Variants in GPR137 observed in about 807,000 individuals in gnomAD.
The protein encoded by GPR137 is G protein-coupled receptor 137.
GPR137 carries 20 observed loss-of-function variants against 38.9 expected under a neutral mutation model. The observed-to-expected ratio is 0.51, with a 90% confidence interval of 0.36 to 0.75. GPR137 has a LOEUF of 0.75. Among genes scored for constraint, GPR137 ranks in the 30% least tolerant of loss-of-function variants. The pLI is 0.00. For synonymous variants in GPR137, 226 were observed against 235.8 expected, an observed-to-expected ratio of 0.96 and a Z score of 0.38; for missense variants, 456 against 526.4, an observed-to-expected ratio of 0.87 and a Z score of 1.31.
intron 2 of GPR137, chr11:64,276,642 A>T (rs370577722): frequency 1.7e-5 from 7 of 414,194 alleles, no homozygotes; most frequent in African/African-American, 8.2e-5. Context: ...TTGAATTTTT[A>T]AAAAGTGTTC....
At chr11:64,272,048 G>C (rs753268970), upstream of GPR137, among the ~76,000 whole-genome samples, 1 of 152,184 alleles carries the variant, frequency 6.6e-6, no homozygotes, top group Admixed American at 6.5e-5. Context: ...CCAATAATGG[G>C]TGAGGCCCTG....
chr11:64,288,943 CAG>C lies in GPR137; in HGVS notation c.1032-93_1032-92del, dbSNP rs2034469440. 1 of 1,449,230 alleles carries C rather than the reference CAG, an allele frequency of 6.9e-7. No individual in the cohort carries two copies. Among genetic ancestry groups the C allele is most frequent in the South Asian group, 1.4e-5 (1 of 69,088 alleles). 89.8% of individuals were successfully genotyped at this position (1,449,230 alleles called of 1,614,324 possible). A position where few individuals can be genotyped will look rare whatever the true frequency, so the allele number is the denominator to read the frequency against. On this transcript the variant is annotated intron_variant, in intron 6 of 6. Coordinates refer to ENST00000438980, the MANE Select transcript of GPR137 (RefSeq NM_001170880.2). This position sits in a 1 kb window ranked among gnomAD's most constrained non-coding sequence, Gnocchi z 5.5. ...TCCTGGGCCCCGAAGGTCTAGGTCACAGGGGTTCTGTTCTAAGCCTGTCTTCC... is the reference window on the plus strand; with the variant it reads ...TCCTGGGCCCCGAAGGTCTAGGTCACGGGTTCTGTTCTAAGCCTGTCTTCC...
At position 64,289,180 on chromosome 11, in the gene GPR137, C is replaced by G. The variant is rs1212997040; in HGVS notation, c.1175C>G (p.Ser392Cys). Residue 392 changes from serine to cysteine, a missense_variant, in exon 7 of 7, where the codon TCC becomes TGC. By Grantham distance (112) the Ser-to-Cys change is moderately radical. Coordinates refer to ENST00000438980, the MANE Select transcript of GPR137 (RefSeq NM_001170880.2). ...GGCGGCCACCACCACAGTCTCTACT[C>G]CACCCCACAGACGTGATCCCCCTCC... ...GPGGHHHSLYSTPQT is the reference protein window; with the variant it reads ...GPGGHHHSLYCTPQT The G allele has an allele frequency of 1.2e-6, 2 of 1,613,348 alleles. No individual in the cohort carries two copies. Among genetic ancestry groups the G allele is most frequent in the Non-Finnish European group, 1.7e-6 (2 of 1,179,578 alleles).
upstream of GPR137, among the ~76,000 whole-genome samples, chr11:64,281,349 G>A (rs78991749): frequency 0.037 from 5,648 of 152,206 alleles, 319 homozygotes; most frequent in African/African-American, 0.13. Flanking sequence ...AGCAGATCCT[G>A]CCAGTTCTGC....
In GPR137 at chr11:64,286,554, TGCTGCCGGGCTGGTGCCTGC is replaced by T. The variant is rs2034086788; in HGVS notation, c.37_56del (p.Gly13ThrfsTer186). ...AGAGTAACCTGTCTGGCCTGGTGCC[TGCTGCCGGGCTGGTGCCTGC>T]GCTGCCACCTGCTGTGACCCTGGGG... On this transcript the variant is annotated frameshift_variant, in exon 1 of 7. Transcript: ENST00000438980. LOFTEE classifies it high-confidence loss of function. 1 of 1,612,456 alleles carries T rather than the reference TGCTGCCGGGCTGGTGCCTGC, an allele frequency of 6.2e-7. No homozygotes were observed. Among genetic ancestry groups the T allele is most frequent in the South Asian group, 1.1e-5 (1 of 91,006 alleles).
At chr11:64,282,916 A>G (rs1463922113), upstream of GPR137, among the ~76,000 whole-genome samples, 1 of 151,884 alleles carries the variant, frequency 6.6e-6, no homozygotes, top group East Asian at 1.9e-4. Flanking sequence ...AGTAAAAAAT[A>G]AATTAACTGG....
chr11:64,289,158 G>A lies in GPR137; in HGVS notation c.1153G>A (p.Gly385Ser), dbSNP rs948264309. The change falls in exon 7 of 7, where the codon GGC becomes AGC. Residue 385 changes from glycine (G) to serine (S), a missense_variant. Coordinates refer to ENST00000438980, the MANE Select transcript of GPR137 (RefSeq NM_001170880.2). ...CTTCTCCCAGGTGCCAGGACCAGGC[G>A]GCCACCACCACAGTCTCTACTCCAC... is the stretch of plus-strand genomic sequence containing the variant. Reference protein sequence around the residue: ...LLFSQVPGPGGHHHSLYSTPQ... With the variant: ...LLFSQVPGPGSHHHSLYSTPQ... 2.4e-5 allele frequency: 38 copies of A among 1,613,500 alleles called. No individual in the cohort carries two copies. The highest frequency in any genetic ancestry group is 4.0e-5 in the African/African-American group (3 of 74,872).
At position 64,288,487 on chromosome 11, in the gene GPR137, T is replaced by A; in HGVS notation, c.912+19T>A. ...GGACCTGGTAAGGGTCTGCTCCCTC[T>A]TCTGTGGGGCCAGTGGAGGGGGCGG... is the stretch of plus-strand genomic sequence containing the variant. On this transcript the variant is annotated intron_variant, in intron 5 of 6. Coordinates refer to ENST00000438980, the MANE Select transcript of GPR137 (RefSeq NM_001170880.2). The surrounding 1 kb of genome is among the most constrained non-coding windows in gnomAD (Gnocchi z 5.5). 1 of 1,613,080 alleles carries A rather than the reference T, an allele frequency of 6.2e-7. No individual in the cohort carries two copies.
At chr11:64,276,968 G>A in intron 2 of GPR137, 2 of 746,076 alleles carry the variant, frequency 2.7e-6, no homozygotes, top group South Asian at 2.9e-5. Context: ...CATCCCTGCT[G>A]ATGCTTCCGC....
At chr11:64,283,812 A>G (rs1011552512), upstream of GPR137, among the ~76,000 whole-genome samples, 28 of 151,832 alleles carry the variant, frequency 1.8e-4, no homozygotes, top group African/African-American at 6.5e-4. Context: ...ATATATATGT[A>G]TTTTAAGAGC....
At chr11:64,281,760 C>CA (rs2033489993), upstream of GPR137, among the ~76,000 whole-genome samples, 1 of 152,138 alleles carries the variant, frequency 6.6e-6, no homozygotes, top group African/African-American at 2.4e-5. Context: ...CTCACTCTGT[C>CA]GCCAGGCTGG....
upstream of GPR137, among the ~76,000 whole-genome samples, chr11:64,283,092 T>C (rs1263073498): frequency 1.3e-5 from 2 of 151,998 alleles, no homozygotes; most frequent in Non-Finnish European, 2.9e-5. Flanking sequence ...GAAAGCAAGC[T>C]ATGGGGTCCA....
upstream of GPR137, among the ~76,000 whole-genome samples, chr11:64,281,246 G>A (rs2033450129): frequency 6.6e-6 from 1 of 152,196 alleles, no homozygotes; most frequent in African/African-American, 2.4e-5. Context: ...GATTATAGGC[G>A]TGAGCCACCG....
At chr11:64,270,790 G>A (rs2032451147), upstream of GPR137, 2 of 410,086 alleles carry the variant, frequency 4.9e-6, no homozygotes, top group Non-Finnish European at 4.9e-6. Flanking sequence ...GCGCACAGGT[G>A]CCAGCAAGGA....
rs1208111463 is a variant in GPR137 at position 64,288,300 on chromosome 11, G to A, written c.784-40G>A. ...TGGGCCCTGTCCCACTACCCCTTTG[G>A]CGTGACTGCAGACTGGCACCAGCCC... On this transcript the variant is annotated intron_variant, in intron 4 of 6. Coordinates refer to ENST00000438980, the MANE Select transcript of GPR137 (RefSeq NM_001170880.2). This position sits in a 1 kb window ranked among gnomAD's most constrained non-coding sequence, Gnocchi z 5.5. 6.2e-7 allele frequency: 1 copy of A among 1,612,866 alleles called. No individual in the cohort carries two copies.
upstream of GPR137, chr11:64,284,836 C>G (rs5031004): frequency 1.6e-3 from 2,383 of 1,510,694 alleles, 38 homozygotes; most frequent in South Asian, 0.024. Context: ...CGTCCGCATC[C>G]TTTTTCCTCC....
At chr11:64,281,630 C>T (rs2033477852), upstream of GPR137, among the ~76,000 whole-genome samples, 1 of 152,262 alleles carries the variant, frequency 6.6e-6, no homozygotes, top group African/African-American at 2.4e-5. Flanking sequence ...TTCCCATCAT[C>T]CCTGTGGCCT....
chr11:64,283,894 C>T (rs1419385512), upstream of GPR137, among the ~76,000 whole-genome samples: 1 of 152,206 alleles, frequency 6.6e-6, no homozygotes, highest in Non-Finnish European at 1.5e-5. Context: ...CTTGGCCTCC[C>T]AAAGTGCTGA....
intron 2 of GPR137, chr11:64,276,954 CG>C (rs768266160): frequency 8.0e-6 from 6 of 754,398 alleles, no homozygotes. Context: ...GCGGCTGGGG[CG>C]GACATCCCTG....
Sources: allele counts gnomAD v4.1 joint callset (sites outside exome capture counted in the v4.1 genomes callset), GRCh38; gene constraint gnomAD v4.1.1; non-coding constraint Gnocchi (gnomAD v3.1); transcripts MANE v1.5; gene names NCBI Gene and HGNC (gene_info 2026-07-23, HGNC 2026-07-21).